The following ITGAD variants were observed in gnomAD, a reference collection of about 807,000 sequenced individuals.
ITGAD encodes the protein integrin alpha-D.
Under a neutral mutation model 139.0 loss-of-function variants are expected in ITGAD, and 105 were observed. The ratio of observed to expected loss-of-function variants is 0.76; its 90% CI spans 0.65 to 0.89. ITGAD has a LOEUF of 0.89. ITGAD is among the 40% of genes least tolerant of loss of function. The pLI is 0.00. For missense variants in ITGAD, 1,384 were observed against 1,487.3 expected, an observed-to-expected ratio of 0.93 and a Z score of 1.14; for synonymous variants, 569 against 598.3, an observed-to-expected ratio of 0.95 and a Z score of 0.71.
intron 23 of ITGAD, among the ~76,000 whole-genome samples, chr16:31,422,241 G>A (rs2082022831): frequency 6.6e-6 from 1 of 152,006 alleles, no homozygotes; most frequent in Non-Finnish European, 1.5e-5. Context: ...CGCCTGGCCA[G>A]CTTGCTCATT....
At position 31,403,687 on chromosome 16, in the gene ITGAD, C is replaced by G. The variant is rs758907458; in HGVS notation, c.704+42C>G. On this transcript the variant is annotated intron_variant, in intron 7 of 29. Transcript: ENST00000389202. This position sits in a 1 kb window ranked among gnomAD's most constrained non-coding sequence, Gnocchi z 4.4. The stretch of plus-strand genomic sequence containing the variant: ...CCAGCCTGGCGATGTGACTGCCACC[C>G]CCACTTCCTAACCCTGGGTCAGCAC... The G allele has an allele frequency of 1.2e-6, 2 of 1,611,530 alleles. No homozygotes were observed. Among genetic ancestry groups the G allele is most frequent in the South Asian group, 2.2e-5 (2 of 90,866 alleles).
In ITGAD at chr16:31,410,926, AG is replaced by A. The variant is rs776321889; in HGVS notation, c.1356+51del. 5.1e-6 allele frequency: 3 copies of A among 586,824 alleles called. No individual in the cohort carries two copies. The Admixed American group carries it at 8.1e-5, about 16-fold the overall frequency. The allele number at this position is 586,824 out of a possible 1,614,324, so 36.4% of individuals were successfully genotyped here. On this transcript the variant is annotated intron_variant, in intron 12 of 29. Transcript: ENST00000389202. ...GGGGAGGATGAGGGTGGGGAGGATG[AG>A]GGTGGGGACAGTGGCCGGGGCTAGG...
rs1157498543 is a variant in ITGAD, at chr16:31,426,354, ATT to A, written c.*229_*230del. 1.5e-5 allele frequency: 7 copies of A among 480,714 alleles called. No individual in the cohort carries two copies. The highest frequency in any genetic ancestry group is 2.3e-5 in the Non-Finnish European group (6 of 265,930). 29.8% of individuals were successfully genotyped at this position (480,714 alleles called of 1,614,324 possible). On this transcript the variant is annotated 3_prime_UTR_variant, in exon 30 of 30. Coordinates refer to ENST00000389202, the MANE Select transcript of ITGAD (RefSeq NM_005353.3). ...AGAAGCAGGCATGGTGCCAGCATAA[ATT>A]TTCATATGCTTAAGAATTGTCACAT...
chr16:31,410,312 T>A, intron 10 of ITGAD, 83 bp from the exon 11 acceptor site: 1 of 1,577,366 alleles, frequency 6.3e-7, no homozygotes, highest in Non-Finnish European at 8.7e-7. Flanking sequence ...GGATGGCGAG[T>A]GATGCGGGTG....
chr16:31,414,827 A>G (rs1447684188), intron 17 of ITGAD, 33 bp from the exon 18 acceptor site: 4 of 1,610,850 alleles, frequency 2.5e-6, no homozygotes, highest in East Asian at 2.2e-5. Flanking sequence ...CGTAGAGAGG[A>G]CAGCAGGTTC....
intron 18 of ITGAD, among the ~76,000 whole-genome samples, 198 bp downstream of exon 18, chr16:31,415,189 T>G (rs939202830): frequency 4.6e-5 from 7 of 152,040 alleles, no homozygotes; most frequent in Admixed American, 3.9e-4. Flanking sequence ...CTCCTCCTGG[T>G]CCCAGCTGCT....
At chr16:31,396,265 A>G (rs966177812) in intron 2 of ITGAD, among the ~76,000 whole-genome samples, 1 of 152,224 alleles carries the variant, frequency 6.6e-6, no homozygotes, top group African/African-American at 2.4e-5. Flanking sequence ...TAAGGTCAAG[A>G]GTTCAAGACC....
intron 20 of ITGAD, among the ~76,000 whole-genome samples, chr16:31,417,191 A>G (rs2081911677): frequency 6.7e-6 from 1 of 149,582 alleles, no homozygotes; most frequent in Non-Finnish European, 1.5e-5. Flanking sequence ...CTACAGGTGC[A>G]TGCCACTACG....
Position 31,403,973 on chromosome 16 carries a change from G to A in ITGAD, c.704+328G>A, listed in dbSNP as rs1466436051. ...CATCAGGCTCCCATCCTGGCTCCCC[G>A]TGAGCTACTCTGGGTGTAACCCTGG... On this transcript the variant is annotated intron_variant, in intron 7 of 29. Transcript: ENST00000389202. This position sits in a 1 kb window ranked among gnomAD's most constrained non-coding sequence, Gnocchi z 4.4. The A allele has an allele frequency of 1.1e-5, 4 of 350,042 alleles. No homozygotes were observed. In the East Asian group the frequency reaches 1.8e-4, roughly 16 times the overall value. 21.7% of individuals were successfully genotyped at this position (350,042 alleles called of 1,614,324 possible).
intron 14 of ITGAD, among the ~76,000 whole-genome samples, chr16:31,412,033 G>C (rs556373829): frequency 6.6e-6 from 1 of 150,606 alleles, no homozygotes; most frequent in Non-Finnish European, 1.5e-5. Flanking sequence ...CCCCTTCTCT[G>C]TTTGGGGGTC....
chr16:31,426,155 C>T lies in ITGAD; in HGVS notation c.*27C>T, dbSNP rs1239048775. On this transcript the variant is annotated 3_prime_UTR_variant, in exon 30 of 30. Transcript: ENST00000389202. ...AATCCACTTTCCTGTTTATCTCTACCACTGTGGGCTGGACTTGCTTGCAAC... is the reference window on the plus strand; with the variant it reads ...AATCCACTTTCCTGTTTATCTCTACTACTGTGGGCTGGACTTGCTTGCAAC... 1 of 1,450,302 alleles carries T rather than the reference C, an allele frequency of 6.9e-7. No individual in the cohort carries two copies. The highest frequency in any genetic ancestry group is 1.2e-5 in the South Asian group (1 of 86,552). The allele number at this position is 1,450,302 out of a possible 1,614,324, so 89.8% of individuals were successfully genotyped here. A position where few individuals can be genotyped will look rare whatever the true frequency, so the allele number is the denominator to read the frequency against.
chr16:31,424,778 T>C (rs779421645), intron 29 of ITGAD: 5 of 412,062 alleles, frequency 1.2e-5, no homozygotes, highest in Non-Finnish European at 1.7e-5. Context: ...TTTGTATTTT[T>C]AGTAGAGATG....
chr16:31,396,444 A>T (rs781044334), intron 2 of ITGAD, among the ~76,000 whole-genome samples: 1 of 152,148 alleles, frequency 6.6e-6, no homozygotes, highest in Non-Finnish European at 1.5e-5. Context: ...TTGCACTCCA[A>T]CCTGGGTGAC....
At chr16:31,409,406 G>A (rs1347906220) in intron 10 of ITGAD, among the ~76,000 whole-genome samples, 1 of 152,056 alleles carries the variant, frequency 6.6e-6, no homozygotes, top group Admixed American at 6.6e-5. Flanking sequence ...AGGGGGTGGT[G>A]AAATGAAATA....
rs761400469 is a variant in ITGAD at position 31,397,634 on chromosome 16, C to T, written c.280C>T (p.Leu94=). The T allele has an allele frequency of 2.5e-5, 40 of 1,596,130 alleles. 2 individuals are homozygous for T. The Middle Eastern group carries it at 5.0e-4, about 20-fold the overall frequency. ...CGTGAACATGTCCTTGGGCCTGACC[C>T]TGGCAGCCTCCACCAACGGCTCCCG... The part of the protein sequence containing the change: ...EAVNMSLGLT[L]AASTNGSRLL... Residue 94 remains leucine, a synonymous_variant, in exon 4 of 30, where the codon CTG becomes TTG. Transcript: ENST00000389202.
intron 20 of ITGAD, among the ~76,000 whole-genome samples, 178 bp from the exon 21 acceptor site, chr16:31,417,897 C>T (rs138137200): frequency 9.0e-4 from 137 of 152,048 alleles, no homozygotes; most frequent in Non-Finnish European, 1.6e-3. Context: ...CAGTGAACCA[C>T]GATCATGCCA....
Position 31,426,005 on chromosome 16 carries a change from C to T in ITGAD, c.3373-10C>T. The T allele has an allele frequency of 6.3e-7, 1 of 1,595,176 alleles. No individual in the cohort carries two copies. Among genetic ancestry groups the T allele is most frequent in the Non-Finnish European group, 8.6e-7 (1 of 1,162,920 alleles). On this transcript the variant is annotated splice_polypyrimidine_tract_variant and intron_variant, in intron 29 of 29. Coordinates refer to ENST00000389202, the MANE Select transcript of ITGAD (RefSeq NM_005353.3). ...CTTACCCAGCTTTTCTAATTTATTTCCCCTGATAGCTTGGCTTCTTCAAAC... is the reference window on the plus strand; with the variant it reads ...CTTACCCAGCTTTTCTAATTTATTTTCCCTGATAGCTTGGCTTCTTCAAAC...
rs1567342544 is a variant in ITGAD at position 31,412,865 on chromosome 16, A to C, written c.1735A>C (p.Arg579=). 1.2e-6 allele frequency: 2 copies of C among 1,613,906 alleles called. No homozygotes were observed. The highest frequency in any genetic ancestry group is 8.5e-7 in the Non-Finnish European group (1 of 1,179,966). Residue 579 remains arginine, a synonymous_variant, in exon 15 of 30, where the codon AGG becomes CGG. Transcript: ENST00000389202. ...GATTGCCAGCTCCCAGCTCTCCCCC[A>C]GGCTGCAGTATTTTGGGCAGGCGCT... ...QRIASSQLSP[R]LQYFGQALSG...
Position 31,394,282 on chromosome 16 carries a change from G to C in ITGAD, c.78G>C (p.Thr26=), listed in dbSNP as rs772214015. Residue 26 remains threonine (T), a synonymous_variant, in exon 2 of 30, where the codon ACG becomes ACC. Coordinates refer to ENST00000389202, the MANE Select transcript of ITGAD (RefSeq NM_005353.3). ...HGFNLDVEEP[T]IFQEDAGGFG... ...TCAACCTGGATGTGGAGGAGCCTACGATCTTCCAGGAGGATGCAGGCGGCT... is the reference window on the plus strand; with the variant it reads ...TCAACCTGGATGTGGAGGAGCCTACCATCTTCCAGGAGGATGCAGGCGGCT... 2.5e-6 allele frequency: 4 copies of C among 1,613,810 alleles called. No homozygotes were observed. The African/African-American group carries it at 5.3e-5, about 22-fold the overall frequency.
Sources: allele counts gnomAD v4.1 joint callset (sites outside exome capture counted in the v4.1 genomes callset), GRCh38; gene constraint gnomAD v4.1.1; non-coding constraint Gnocchi (gnomAD v3.1); transcripts MANE v1.5; gene names NCBI Gene and HGNC (gene_info 2026-07-23, HGNC 2026-07-21).